Variants in SEPTIN7 observed in about 807,000 individuals in gnomAD.
SEPTIN7 encodes the protein septin-7.
SEPTIN7 carries 10 observed loss-of-function variants against 63.3 expected under a neutral mutation model. The ratio of observed to expected loss-of-function variants is 0.16; its 90% CI spans 0.10 to 0.27. The LOEUF (loss-of-function observed/expected upper bound fraction) is 0.27, where lower values mean the gene tolerates loss of function less well. SEPTIN7 is among the 10% of genes least tolerant of loss of function. The probability of loss-of-function intolerance (pLI) is 1.00; values close to 1 mark genes in which losing one functional copy is unlikely to be tolerated. For synonymous variants in SEPTIN7, 131 were observed against 165.3 expected, an observed-to-expected ratio of 0.79 and a Z score of 1.59; for missense variants, 310 against 521.0, an observed-to-expected ratio of 0.59 and a Z score of 3.94.
chr7:35,824,922 T>G (rs935030215), intron 1 of SEPTIN7, among the ~76,000 whole-genome samples: 3 of 152,214 alleles, frequency 2.0e-5, no homozygotes, highest in African/African-American at 7.2e-5. Flanking sequence ...ATATGATATT[T>G]TACACTTACA....
At chr7:35,885,259 T>C (rs543500003) in intron 9 of SEPTIN7, among the ~76,000 whole-genome samples, 36 of 152,318 alleles carry the variant, frequency 2.4e-4, no homozygotes, top group African/African-American at 8.4e-4. Context: ...CTCTCTATCA[T>C]GCCCAGGCAA....
intron 1 of SEPTIN7, among the ~76,000 whole-genome samples, chr7:35,829,806 G>T (rs569781838): frequency 6.6e-6 from 1 of 152,212 alleles, no homozygotes; most frequent in Non-Finnish European, 1.5e-5. Context: ...CATACAGCAG[G>T]CAGCAAAGTG....
intron 3 of SEPTIN7, among the ~76,000 whole-genome samples, chr7:35,848,925 T>C (rs528332794): frequency 1.3e-4 from 20 of 152,346 alleles, no homozygotes; most frequent in African/African-American, 4.3e-4. Context: ...CTCAGACGTG[T>C]AGCAAGTGAA....
chr7:35,886,361 C>T (rs567300575), intron 10 of SEPTIN7, among the ~76,000 whole-genome samples: 1 of 152,276 alleles, frequency 6.6e-6, no homozygotes, highest in East Asian at 1.9e-4. Flanking sequence ...TTGTGTCTTA[C>T]ACACCTGCTG....
At chr7:35,838,299 TC>T (rs1784201234) in intron 3 of SEPTIN7, among the ~76,000 whole-genome samples, 2 of 6,740 alleles carry the variant, frequency 3.0e-4, no homozygotes, top group Non-Finnish European at 5.0e-4. Context: ...CTTCCTTCCT[TC>T]CTTCCCTCCC....
chr7:35,872,622 GATGTA>G (rs763547512), intron 4 of SEPTIN7, 39 bp from the exon 5 acceptor site: 3 of 1,416,682 alleles, frequency 2.1e-6, no homozygotes, highest in African/African-American at 2.8e-5. Context: ...GGAAATCACT[GATGTA>G]ATGTATGATA....
At chr7:35,856,819 G>C (rs1267125578) in intron 3 of SEPTIN7, among the ~76,000 whole-genome samples, 1 of 151,898 alleles carries the variant, frequency 6.6e-6, no homozygotes, top group African/African-American at 2.4e-5. Flanking sequence ...TGTTTCTTTG[G>C]GATCTTCCAA....
At chr7:35,824,566 A>G (rs761278691) in intron 1 of SEPTIN7, among the ~76,000 whole-genome samples, 14 of 152,192 alleles carry the variant, frequency 9.2e-5, no homozygotes, top group Non-Finnish European at 2.1e-4. Flanking sequence ...CCCAAAGTCC[A>G]CCTTAACTCA....
At chr7:35,849,301 G>GGT (rs143456716) in intron 3 of SEPTIN7, among the ~76,000 whole-genome samples, 6 of 151,702 alleles carry the variant, frequency 4.0e-5, no homozygotes, top group Non-Finnish European at 8.8e-5. Flanking sequence ...TTTCTGCCAG[G>GGT]GTGTGTGTGT....
chr7:35,836,163 A>G (rs1233664907), intron 3 of SEPTIN7, among the ~76,000 whole-genome samples: 1 of 152,174 alleles, frequency 6.6e-6, no homozygotes, highest in African/African-American at 2.4e-5. Flanking sequence ...ATATCAAATA[A>G]TGAAGACATG....
chr7:35,899,263 G>T (rs866648164), intron 12 of SEPTIN7: 4 of 152,164 alleles, frequency 2.6e-5, no homozygotes, highest in African/African-American at 9.7e-5. Flanking sequence ...GCCTGGGCAT[G>T]GTGGCTCATG....
chr7:35,874,276 G>A (rs1786335745), intron 6 of SEPTIN7, among the ~76,000 whole-genome samples: 1 of 152,070 alleles, frequency 6.6e-6, no homozygotes, highest in African/African-American at 2.4e-5. Context: ...TAGACGTGTT[G>A]TTCAGGTATC....
intron 1 of SEPTIN7, among the ~76,000 whole-genome samples, chr7:35,825,551 A>G (rs551627105): frequency 5.3e-5 from 8 of 152,260 alleles, no homozygotes; most frequent in Admixed American, 4.6e-4. Flanking sequence ...TTGCTCTTAT[A>G]TATCCTTCTG....
At chr7:35,876,621 C>T (rs139250302) in intron 6 of SEPTIN7, among the ~76,000 whole-genome samples, 1 of 152,208 alleles carries the variant, frequency 6.6e-6, no homozygotes, top group East Asian at 1.9e-4. Flanking sequence ...AGGACCATTG[C>T]TTGAGGCCAC....
In SEPTIN7 at chr7:35,906,548, C is replaced by T. The variant is rs1788615442; in HGVS notation, c.*2255C>T. On this transcript the variant is annotated 3_prime_UTR_variant, in exon 14 of 14. Transcript: ENST00000350320. ...AAGTATCCTGTTAGCCACTGTCTTTCTGCTAATTAAGTGGGGCTGAACAAG... is the reference window on the plus strand; with the variant it reads ...AAGTATCCTGTTAGCCACTGTCTTTTTGCTAATTAAGTGGGGCTGAACAAG... 1 of 152,230 alleles carries T rather than the reference C, an allele frequency of 6.6e-6. No homozygotes were observed. Among genetic ancestry groups the T allele is most frequent in the South Asian group, 2.1e-4 (1 of 4,832 alleles). The allele number at this position is 152,230 out of a possible 1,614,324, so 9.4% of individuals were successfully genotyped here.
intron 3 of SEPTIN7, 141 bp from the exon 4 acceptor site, chr7:35,863,411 C>A: frequency 1.7e-6 from 1 of 581,332 alleles, no homozygotes; most frequent in Non-Finnish European, 3.0e-6. Flanking sequence ...TACTTATTCT[C>A]TGTAGCATAT....
chr7:35,860,519 T>C (rs1415872101), intron 3 of SEPTIN7, among the ~76,000 whole-genome samples: 1 of 152,226 alleles, frequency 6.6e-6, no homozygotes, highest in Non-Finnish European at 1.5e-5. Flanking sequence ...CAGTATTTCT[T>C]GTAGTACATG....
chr7:35,803,193 A>G (rs778409189), intron 1 of SEPTIN7: 76 of 907,780 alleles, frequency 8.4e-5, no homozygotes, highest in East Asian at 1.2e-4. Context: ...TGATGCATAC[A>G]TAATACATGA....
intron 4 of SEPTIN7, among the ~76,000 whole-genome samples, chr7:35,870,400 C>T (rs1786074203): frequency 6.6e-6 from 1 of 151,910 alleles, no homozygotes; most frequent in African/African-American, 2.4e-5. Flanking sequence ...ATAAAGGAAC[C>T]AGAAATAGTT....
Sources: allele counts gnomAD v4.1 joint callset (sites outside exome capture counted in the v4.1 genomes callset), GRCh38; gene constraint gnomAD v4.1.1; transcripts MANE v1.5; gene names NCBI Gene and HGNC (gene_info 2026-07-23, HGNC 2026-07-21).